FOXP2: variants seen among roughly 807,000 people sequenced by gnomAD.
FOXP2 encodes the protein forkhead box protein P2.
A neutral mutation model predicts 115.8 loss-of-function variants in FOXP2; 12 were observed. That is an observed-to-expected ratio of 0.10 (90% confidence interval 0.07 to 0.17). The LOEUF is 0.17. Among genes scored for constraint, FOXP2 ranks in the 10% least tolerant of loss-of-function variants. The pLI is 1.00. For missense variants in FOXP2, 629 were observed against 843.5 expected, an observed-to-expected ratio of 0.75 and a Z score of 3.15; for synonymous variants, 328 against 297.7, an observed-to-expected ratio of 1.10 and a Z score of -1.05.
intron 3 of FOXP2, among the ~76,000 whole-genome samples, chr7:114,607,247 G>C (rs1171382069): frequency 6.6e-6 from 1 of 152,162 alleles, no homozygotes; most frequent in Non-Finnish European, 1.5e-5. Flanking sequence ...TGTCTGTTGG[G>C]AAGTGCAAGG....
At chr7:114,151,472 C>T (rs1374145878) in intron 1 of FOXP2, among the ~76,000 whole-genome samples, 5 of 151,888 alleles carry the variant, frequency 3.3e-5, no homozygotes, top group Admixed American at 3.3e-4. Context: ...ACACTACATA[C>T]TGTTTCTGTT....
intron 2 of FOXP2, among the ~76,000 whole-genome samples, chr7:114,521,119 G>C (rs1798603569): frequency 6.6e-6 from 1 of 152,120 alleles, no homozygotes; most frequent in African/African-American, 2.4e-5. Flanking sequence ...GAACTGTATG[G>C]TGTTTGCCTA....
rs554245583 is a variant in FOXP2 at position 114,507,542 on chromosome 7, A to AT, written c.169-27069dup. On this transcript the variant is annotated intron_variant, in intron 2 of 16. Coordinates refer to ENST00000350908, the MANE Select transcript of FOXP2 (RefSeq NM_014491.4). The stretch of plus-strand genomic sequence containing the variant: ...GAGAAATAAACAAATTAGGAAATTA[A>AT]TTTTTTCGCAAAAAAATGAAAAGTC... Among the ~76,000 whole-genome samples, 482 of 152,066 alleles carry AT rather than the reference A, an allele frequency of 3.2e-3. 3 individuals are homozygous for AT. Among genetic ancestry groups the AT allele is most frequent in the African/African-American group, 0.011 (471 of 41,538 alleles).
In FOXP2 at chr7:114,369,352, G is replaced by A. The variant is rs188533529; in HGVS notation, c.-10-57150G>A. Reference sequence around the variant, plus strand: ...TAGGTATCTTTACAACAGCAGAGGGGGTGAATTTTGGTACTGATGTTCCTT... The same window carrying A: ...TAGGTATCTTTACAACAGCAGAGGGAGTGAATTTTGGTACTGATGTTCCTT... On this transcript the variant is annotated intron_variant, in intron 2 of 17. Coordinates refer to the FOXP2 transcript ENST00000634411. Among the ~76,000 whole-genome samples the A allele has an allele frequency of 2.0e-3, 307 of 152,184 alleles. 1 individual carries two copies. The highest frequency in any genetic ancestry group is 6.8e-3 in the Middle Eastern group (2 of 294).
chr7:114,409,538 G>A (rs904864763), upstream of FOXP2, among the ~76,000 whole-genome samples: 1 of 151,904 alleles, frequency 6.6e-6, no homozygotes, highest in South Asian at 2.1e-4. Context: ...ACATCTTATT[G>A]AATCTTTTTC....
intron 2 of FOXP2, among the ~76,000 whole-genome samples, chr7:114,292,572 T>C (rs936690941): frequency 1.2e-4 from 19 of 152,186 alleles, no homozygotes; most frequent in African/African-American, 4.3e-4. Context: ...AATGTACATC[T>C]TTCTCATTGT....
intron 2 of FOXP2, among the ~76,000 whole-genome samples, chr7:114,322,022 CTTTT>C (rs5886698): frequency 1.3e-4 from 17 of 128,370 alleles, no homozygotes; most frequent in Admixed American, 1.6e-4. Context: ...CAGAGGATTC[CTTTT>C]TTTTTTTTTT....
intron 2 of FOXP2, among the ~76,000 whole-genome samples, chr7:114,343,278 C>T (rs944030621): frequency 6.6e-6 from 1 of 151,502 alleles, no homozygotes; most frequent in African/African-American, 2.4e-5. Context: ...CTTAGAAAGG[C>T]AAGTAAACCA....
intron 1 of FOXP2, among the ~76,000 whole-genome samples, chr7:114,146,770 A>G (rs919974560): frequency 2.0e-5 from 3 of 152,226 alleles, no homozygotes; most frequent in Non-Finnish European, 4.4e-5. Context: ...AGGAAAAACA[A>G]TAGACATGTT....
chr7:114,682,410 G>A (rs1300214317), intron 16 of FOXP2, among the ~76,000 whole-genome samples: 1 of 152,090 alleles, frequency 6.6e-6, no homozygotes, highest in Non-Finnish European at 1.5e-5. Context: ...AATTCTACAT[G>A]GGAAGAGGAT....
intron 2 of FOXP2, among the ~76,000 whole-genome samples, chr7:114,529,076 C>T (rs912149457): frequency 2.0e-5 from 3 of 151,530 alleles, no homozygotes; most frequent in Non-Finnish European, 4.4e-5. Context: ...AATTTATTAC[C>T]ATTAGCAATA....
At chr7:114,673,412 A>C (rs1319762550) in intron 16 of FOXP2, among the ~76,000 whole-genome samples, 1 of 152,214 alleles carries the variant, frequency 6.6e-6, no homozygotes, top group African/African-American at 2.4e-5. Flanking sequence ...GGTCACAACT[A>C]TCACTTTTAT....
At chr7:114,518,362 G>GT (rs998260674) in intron 2 of FOXP2, among the ~76,000 whole-genome samples, 1 of 151,976 alleles carries the variant, frequency 6.6e-6, no homozygotes, top group African/African-American at 2.4e-5. Context: ...ATACTTTTAT[G>GT]TTTTTTCCCC....
At chr7:114,689,728 A>T in intron 16 of FOXP2, 54 bp from the exon 17 acceptor site, 1 of 1,606,890 alleles carries the variant, frequency 6.2e-7, no homozygotes, top group Non-Finnish European at 8.5e-7. Flanking sequence ...AAGTTGGCCA[A>T]ACTCTGTTTG....
chr7:114,472,671 T>C (rs933528886), intron 2 of FOXP2, among the ~76,000 whole-genome samples: 2 of 152,176 alleles, frequency 1.3e-5, no homozygotes, highest in African/African-American at 4.8e-5. Context: ...AAATGGGAGT[T>C]TGAAATGGTA....
chr7:114,505,343 A>C (rs2129255626), intron 2 of FOXP2, among the ~76,000 whole-genome samples: 1 of 151,642 alleles, frequency 6.6e-6, no homozygotes, highest in Admixed American at 6.6e-5. Flanking sequence ...GGCAACACTT[A>C]GCTTAAGTGT....
intron 3 of FOXP2, among the ~76,000 whole-genome samples, chr7:114,555,679 C>T (rs1800420234): frequency 6.6e-6 from 1 of 152,134 alleles, no homozygotes; most frequent in Non-Finnish European, 1.5e-5. Flanking sequence ...TGCCTGTCAT[C>T]CCAGCTACAC....
At chr7:114,130,101 C>A (rs1207987102) in intron 1 of FOXP2, among the ~76,000 whole-genome samples, 1 of 151,974 alleles carries the variant, frequency 6.6e-6, no homozygotes, top group Non-Finnish European at 1.5e-5. Flanking sequence ...ATTGCTTGAG[C>A]CCAGGAGTTC....
intron 1 of FOXP2, among the ~76,000 whole-genome samples, chr7:114,096,759 A>G (rs562476650): frequency 1.3e-5 from 2 of 152,348 alleles, no homozygotes; most frequent in East Asian, 3.9e-4. Flanking sequence ...GCAAAGTTTA[A>G]GTGCAGTTGC....
Sources: gnomAD v4.1 joint callset for allele counts (sites outside exome capture counted in the v4.1 genomes callset) on GRCh38, gnomAD v4.1.1 for gene constraint, MANE v1.5 for transcripts, NCBI Gene and HGNC (gene_info 2026-07-23, HGNC 2026-07-21) for gene names.